DDAH1: variants seen among roughly 807,000 people sequenced by gnomAD.
DDAH1 encodes dimethylarginine dimethylaminohydrolase 1, also known as N(G),N(G)-dimethylarginine dimethylaminohydrolase 1.
In DDAH1, 19 loss-of-function variants were observed where a neutral mutation model predicts 28.8. The ratio of observed to expected loss-of-function variants is 0.66; its 90% CI spans 0.46 to 0.97. The LOEUF (loss-of-function observed/expected upper bound fraction) is 0.97. Among genes scored for constraint, DDAH1 ranks in the 50% least tolerant of loss-of-function variants. The pLI, the probability that DDAH1 is intolerant of heterozygous loss-of-function variation, is 0.00. For missense variants in DDAH1, 326 were observed against 375.9 expected, an observed-to-expected ratio of 0.87 and a Z score of 1.10; for synonymous variants, 153 against 154.4, an observed-to-expected ratio of 0.99 and a Z score of 0.07.
At chr1:85,479,210 AGGCC>A (rs1303445029) in intron 2 of DDAH1, among the ~76,000 whole-genome samples, 20 of 116,550 alleles carry the variant, frequency 1.7e-4, no homozygotes, top group Non-Finnish European at 2.4e-4. Flanking sequence ...TCTGTCGCCC[AGGCC>A]GGACTGCGGA....
chr1:85,386,374 G>A (rs1651255527), intron 1 of DDAH1, among the ~76,000 whole-genome samples: 1 of 152,202 alleles, frequency 6.6e-6, no homozygotes, highest in Non-Finnish European at 1.5e-5. Context: ...CCAAAAGGGA[G>A]GAATTGGACA....
intron 1 of DDAH1, among the ~76,000 whole-genome samples, chr1:85,568,310 G>A (rs772403892): frequency 6.6e-6 from 1 of 152,092 alleles, no homozygotes; most frequent in African/African-American, 2.4e-5. Flanking sequence ...AGGAAATAAA[G>A]ACAGATGGCA....
intron 1 of DDAH1, among the ~76,000 whole-genome samples, chr1:85,572,720 G>C (rs1479825876): frequency 6.6e-6 from 1 of 152,178 alleles, no homozygotes; most frequent in African/African-American, 2.4e-5. Context: ...TCTGATTCCT[G>C]GGGCACTTGA....
chr1:85,559,864 A>G (rs578180376), intron 1 of DDAH1, among the ~76,000 whole-genome samples: 1 of 152,264 alleles, frequency 6.6e-6, no homozygotes, highest in South Asian at 2.1e-4. Context: ...GCAGTCTAAC[A>G]CATGCAAACT....
At chr1:85,427,939 G>T (rs1231610342) in intron 1 of DDAH1, among the ~76,000 whole-genome samples, 1 of 152,198 alleles carries the variant, frequency 6.6e-6, no homozygotes, top group African/African-American at 2.4e-5. Flanking sequence ...CTGAACACAG[G>T]TGAGAGAAGT....
chr1:85,379,654 T>C (rs1650872252), intron 1 of DDAH1: 2 of 985,242 alleles, frequency 2.0e-6, no homozygotes, highest in African/African-American at 3.5e-5. Context: ...TGTTCACTGT[T>C]CTCTTCTTTT....
At chr1:85,472,890 G>C (rs1655667376) in intron 2 of DDAH1, among the ~76,000 whole-genome samples, 1 of 152,130 alleles carries the variant, frequency 6.6e-6, no homozygotes, top group South Asian at 2.1e-4. Flanking sequence ...TCTTTTTGGA[G>C]TCCGCAGTTT....
chr1:85,331,843 AAG>A (rs1315405878), intron 4 of DDAH1, among the ~76,000 whole-genome samples: 1 of 152,200 alleles, frequency 6.6e-6, no homozygotes, highest in East Asian at 1.9e-4. Context: ...ATAGACATCT[AAG>A]AGAGAATGCT....
At chr1:85,330,170 T>C (rs1647674154) in intron 4 of DDAH1, among the ~76,000 whole-genome samples, 1 of 152,206 alleles carries the variant, frequency 6.6e-6, no homozygotes, top group South Asian at 2.1e-4. Context: ...AGGAAGGCTG[T>C]GTTGCTCTTG....
chr1:85,483,280 C>G (rs1467141383), intron 2 of DDAH1, among the ~76,000 whole-genome samples: 3 of 150,772 alleles, frequency 2.0e-5, no homozygotes, highest in African/African-American at 7.3e-5. Context: ...TTATTTTGAC[C>G]AACACTCAAA....
At chr1:85,432,483 C>T (rs751326278) in intron 1 of DDAH1, among the ~76,000 whole-genome samples, 2 of 152,110 alleles carry the variant, frequency 1.3e-5, no homozygotes, top group Non-Finnish European at 2.9e-5. Flanking sequence ...TTGTTTCTGA[C>T]CAATTTCCAG....
intron 1 of DDAH1, among the ~76,000 whole-genome samples, chr1:85,366,278 A>G (rs186522856): frequency 8.5e-4 from 130 of 152,320 alleles, no homozygotes; most frequent in African/African-American, 3.0e-3. Flanking sequence ...AATACGTGTT[A>G]AAGTTTTATA....
chr1:85,343,831 A>G (rs911371609), intron 4 of DDAH1, among the ~76,000 whole-genome samples: 1 of 152,240 alleles, frequency 6.6e-6, no homozygotes, highest in African/African-American at 2.4e-5. Context: ...CATCTATAAA[A>G]TAACATGGAC....
chr1:85,425,550 T>C lies in DDAH1; in HGVS notation c.303+39193A>G, dbSNP rs150822516. Among the ~76,000 whole-genome samples, 602 of 152,312 alleles carry C rather than the reference T, an allele frequency of 4.0e-3. 2 individuals carry two copies. The highest frequency in any genetic ancestry group is 5.2e-3 in the Non-Finnish European group (351 of 67,998). ...ACACCAGAATACTTAACAACTGTTT[T>C]CCAAGTCTGATCACCATCAATACGT... On this transcript the variant is annotated intron_variant, in intron 1 of 5. Transcript: ENST00000284031.
At chr1:85,421,480 G>GCATA (rs1480811161) in intron 1 of DDAH1, among the ~76,000 whole-genome samples, 2 of 151,530 alleles carry the variant, frequency 1.3e-5, no homozygotes, top group Non-Finnish European at 2.9e-5. Context: ...TTTTAAGTTT[G>GCATA]CATACATTGA....
intron 1 of DDAH1, among the ~76,000 whole-genome samples, chr1:85,544,305 T>C (rs1658554286): frequency 6.6e-6 from 1 of 152,196 alleles, no homozygotes; most frequent in Non-Finnish European, 1.5e-5. Flanking sequence ...CACATGCACG[T>C]GGCATTGCTT....
intron 1 of DDAH1, among the ~76,000 whole-genome samples, chr1:85,406,666 G>C (rs1652420367): frequency 6.6e-6 from 1 of 152,076 alleles, no homozygotes; most frequent in African/African-American, 2.4e-5. Flanking sequence ...CAGGCATATG[G>C]CTTACCTCAT....
chr1:85,457,724 T>C (rs1181663745), intron 1 of DDAH1, among the ~76,000 whole-genome samples: 1 of 152,222 alleles, frequency 6.6e-6, no homozygotes, highest in Non-Finnish European at 1.5e-5. Flanking sequence ...AGTTTCGCTC[T>C]TGTTGCCCAG....
intron 1 of DDAH1, among the ~76,000 whole-genome samples, chr1:85,415,093 C>A (rs1652834418): frequency 7.3e-6 from 1 of 136,938 alleles, no homozygotes; most frequent in Non-Finnish European, 1.5e-5. Flanking sequence ...CGGCTCACTG[C>A]AACCTCCGCC....
Sources: gnomAD v4.1 joint callset for allele counts (sites outside exome capture counted in the v4.1 genomes callset) on GRCh38, gnomAD v4.1.1 for gene constraint, MANE v1.5 for transcripts, NCBI Gene and HGNC (gene_info 2026-07-23, HGNC 2026-07-21) for gene names.